Variants in BLNK observed in about 807,000 individuals in gnomAD.
BLNK encodes the protein B-cell linker protein.
A neutral mutation model predicts 73.5 loss-of-function variants in BLNK; 29 were observed. The observed-to-expected ratio is 0.39, with a 90% CI of 0.29 to 0.54. The LOEUF (loss-of-function observed/expected upper bound fraction) is 0.54. BLNK is among the 20% of genes least tolerant of loss of function. BLNK has a pLI of 0.61. For synonymous variants in BLNK, 176 were observed against 200.8 expected (o/e 0.88, Z 1.04); for missense variants, 460 against 562.8 (o/e 0.82, Z 1.85).
chr10:96,198,498 A>G (rs1486993843), intron 15 of BLNK, among the ~76,000 whole-genome samples: 3 of 152,200 alleles, frequency 2.0e-5, no homozygotes, highest in African/African-American at 7.2e-5. Flanking sequence ...TAAAAACAAA[A>G]AGTCTGCAGA....
intron 3 of BLNK, among the ~76,000 whole-genome samples, chr10:96,238,735 G>A (rs1842785416): frequency 1.3e-5 from 2 of 152,186 alleles, no homozygotes; most frequent in South Asian, 4.1e-4. Context: ...TTGAGTGTAA[G>A]AGCAGGGGAA....
chr10:96,211,702 G>T (rs782738379), intron 8 of BLNK, among the ~76,000 whole-genome samples: 7 of 152,170 alleles, frequency 4.6e-5, no homozygotes, highest in Non-Finnish European at 7.4e-5. Flanking sequence ...CTGATTTTTT[G>T]AAACATTTTG....
chr10:96,270,587 A>C (rs1300415225), intron 1 of BLNK, among the ~76,000 whole-genome samples: 2 of 151,560 alleles, frequency 1.3e-5, no homozygotes, highest in East Asian at 3.9e-4. Flanking sequence ...CCTTCTGCAC[A>C]TGTACCCCAG....
chr10:96,202,984 C>G (rs2083686291), intron 13 of BLNK, among the ~76,000 whole-genome samples: 1 of 152,324 alleles, frequency 6.6e-6, no homozygotes, highest in East Asian at 1.9e-4. Flanking sequence ...CCACCCACCC[C>G]TGCTGCTGCG....
At chr10:96,206,900 A>G in intron 11 of BLNK, 111 bp downstream of exon 11, 1 of 1,158,680 alleles carries the variant, frequency 8.6e-7, no homozygotes, top group Non-Finnish European at 1.3e-6. Flanking sequence ...TAGAAAATTG[A>G]GTTTCATGTT....
intron 8 of BLNK, among the ~76,000 whole-genome samples, chr10:96,211,476 T>C (rs587762589): frequency 1.6e-4 from 25 of 152,220 alleles, no homozygotes; most frequent in South Asian, 8.3e-4. Flanking sequence ...TCAAAAAGTA[T>C]TGAAATAGAG....
chr10:96,238,778 A>G (rs982463816), intron 3 of BLNK: 3 of 192,912 alleles, frequency 1.6e-5, no homozygotes, highest in African/African-American at 6.9e-5. Flanking sequence ...TGGCAAAGCA[A>G]TAAGATGCAT....
intron 11 of BLNK, among the ~76,000 whole-genome samples, chr10:96,206,103 T>C (rs1024008897): frequency 1.3e-5 from 2 of 152,128 alleles, no homozygotes; most frequent in South Asian, 2.1e-4. Context: ...AAAAACCTAA[T>C]GGCGTCATTA....
At chr10:96,232,238 G>A (rs1446374977) in intron 3 of BLNK, among the ~76,000 whole-genome samples, 3 of 152,106 alleles carry the variant, frequency 2.0e-5, no homozygotes, top group Non-Finnish European at 4.4e-5. Flanking sequence ...CTGCCACAGA[G>A]GATCCAGTGG....
chr10:96,191,971 C>T lies in BLNK; in HGVS notation c.*2G>A, dbSNP rs781847413. ...AATGGTATTGATCTTTTTTTTCCCC[C>T]TTTATGAAACTTTAACTGCATACTT... On this transcript the variant is annotated 3_prime_UTR_variant, in exon 17 of 17. Coordinates refer to ENST00000224337, the MANE Select transcript of BLNK (RefSeq NM_013314.4). 6.2e-7 allele frequency: 1 copy of T among 1,613,222 alleles called. No homozygotes were observed. Among genetic ancestry groups the T allele is most frequent in the East Asian group, 2.2e-5 (1 of 44,812 alleles).
rs1310194055 is a variant in BLNK at position 96,249,401 on chromosome 10, GC to G, written c.48-2353del. On this transcript the variant is annotated intron_variant, in intron 1 of 16. Coordinates refer to ENST00000224337, the MANE Select transcript of BLNK (RefSeq NM_013314.4). ...GAGGACAGCTTCTCAGAAGAACTCT[GC>G]CTGGGCAGGCCTGTGGGTGTCCTCT... is the stretch of plus-strand genomic sequence containing the variant. Among the ~76,000 whole-genome samples the G allele has an allele frequency of 5.9e-5, 9 of 152,384 alleles. No individual in the cohort carries two copies. In the East Asian group the frequency reaches 1.7e-3, roughly 29 times the overall value.
At chr10:96,244,827 G>A (rs1842991332) in intron 2 of BLNK, among the ~76,000 whole-genome samples, 1 of 152,134 alleles carries the variant, frequency 6.6e-6, no homozygotes, top group African/African-American at 2.4e-5. Flanking sequence ...AATATGACTG[G>A]CTATGGAATA....
chr10:96,200,162 T>A lies in BLNK; in HGVS notation c.1012-4A>T. ...GCTTGCAGAGAACGCCAGCTTCCTG[T>A]GAAATGGAGGGCACTGGTCAGCATG... On this transcript the variant is annotated splice_polypyrimidine_tract_variant and splice_region_variant and intron_variant, in intron 14 of 16. Coordinates refer to ENST00000224337, the MANE Select transcript of BLNK (RefSeq NM_013314.4). The surrounding 1 kb of genome is among the most constrained non-coding windows in gnomAD (Gnocchi z 4.3). The A allele has an allele frequency of 6.2e-7, 1 of 1,613,928 alleles. No individual in the cohort carries two copies. The highest frequency in any genetic ancestry group is 8.5e-7 in the Non-Finnish European group (1 of 1,179,892).
At chr10:96,270,480 G>A (rs1355582473) in intron 1 of BLNK, among the ~76,000 whole-genome samples, 1 of 152,134 alleles carries the variant, frequency 6.6e-6, no homozygotes, top group African/African-American at 2.4e-5. Flanking sequence ...GGGGACTAGG[G>A]GAGGGAGAGA....
chr10:96,218,605 G>A (rs1554900357), intron 6 of BLNK, among the ~76,000 whole-genome samples: 1 of 151,574 alleles, frequency 6.6e-6, no homozygotes, highest in Non-Finnish European at 1.5e-5. Flanking sequence ...GAGGTGGGAA[G>A]GTTGCTTGAG....
At chr10:96,268,773 A>G (rs1844132378) in intron 1 of BLNK, among the ~76,000 whole-genome samples, 1 of 152,082 alleles carries the variant, frequency 6.6e-6, no homozygotes, top group Admixed American at 6.5e-5. Context: ...AGTCCTGGGA[A>G]TATACTCCCT....
chr10:96,240,492 T>C (rs1842850490), intron 3 of BLNK, among the ~76,000 whole-genome samples: 4 of 152,294 alleles, frequency 2.6e-5, no homozygotes, highest in Admixed American at 1.3e-4. Flanking sequence ...ACTCCTGGCC[T>C]CAAGCAATCC....
At chr10:96,257,196 C>G (rs1051346549) in intron 1 of BLNK, among the ~76,000 whole-genome samples, 6 of 152,110 alleles carry the variant, frequency 3.9e-5, no homozygotes, top group Non-Finnish European at 8.8e-5. Context: ...AAGGATGAGA[C>G]CGCTGGGAGC....
At chr10:96,216,761 A>G in intron 6 of BLNK, 27 bp from the exon 7 acceptor site, 1 of 1,583,502 alleles carries the variant, frequency 6.3e-7, no homozygotes. Flanking sequence ...ACTGAATGAG[A>G]AGAATGCTGT....
Sources: gnomAD v4.1 joint callset for allele counts (sites outside exome capture counted in the v4.1 genomes callset) on GRCh38, gnomAD v4.1.1 for gene constraint, Gnocchi (gnomAD v3.1) non-coding constraint, MANE v1.5 for transcripts, NCBI Gene and HGNC (gene_info 2026-07-23, HGNC 2026-07-21) for gene names.